The following SEMA4D variants were observed in gnomAD, a reference collection of about 807,000 sequenced individuals.
SEMA4D encodes semaphorin-4D.
SEMA4D carries 22 observed loss-of-function variants against 74.8 expected under a neutral mutation model. That is an observed-to-expected ratio of 0.29 (90% CI 0.21 to 0.42). SEMA4D has a LOEUF of 0.42. Ranked by LOEUF, SEMA4D falls within the 10% of genes least tolerant of loss-of-function variation. The pLI is 1.00. For synonymous variants in SEMA4D, 445 were observed against 463.7 expected, an observed-to-expected ratio of 0.96 and a Z score of 0.52; for missense variants, 937 against 1,118.4, an observed-to-expected ratio of 0.84 and a Z score of 2.31.
chr9:89,471,382 G>A (rs1860171245), intron 1 of SEMA4D, among the ~76,000 whole-genome samples: 1 of 152,146 alleles, frequency 6.6e-6, no homozygotes, highest in African/African-American at 2.4e-5. Flanking sequence ...TACCACAATT[G>A]TAAAAACTCA....
At chr9:89,460,933 A>G (rs2135685322) in intron 1 of SEMA4D, among the ~76,000 whole-genome samples, 1 of 152,238 alleles carries the variant, frequency 6.6e-6, no homozygotes, top group East Asian at 1.9e-4. Context: ...GGAGAAGGCG[A>G]CCTGCTGTTC....
intron 2 of SEMA4D, among the ~76,000 whole-genome samples, chr9:89,437,721 C>T (rs1003251893): frequency 1.3e-5 from 2 of 152,206 alleles, no homozygotes; most frequent in Admixed American, 6.5e-5. Flanking sequence ...AAGGTAGCAA[C>T]GTGACTTGAG....
intron 6 of SEMA4D, 34 bp downstream of exon 6, chr9:89,396,703 G>A (rs1264157831): frequency 3.2e-6 from 5 of 1,560,760 alleles, no homozygotes; most frequent in African/African-American, 2.7e-5. Flanking sequence ...TGACCAGGCT[G>A]GCGTGAGCAC....
At chr9:89,379,889 G>A (rs1004744738) in intron 15 of SEMA4D, among the ~76,000 whole-genome samples, 9 of 152,196 alleles carry the variant, frequency 5.9e-5, no homozygotes, top group African/African-American at 1.9e-4. Context: ...AGAAGAAAAC[G>A]CGTCAGGCTG....
At chr9:89,413,422 G>A (rs73654778) in intron 2 of SEMA4D, among the ~76,000 whole-genome samples, 4,556 of 152,336 alleles carry the variant, frequency 0.03, 251 homozygotes, top group African/African-American at 0.1. Context: ...ATGTCTGCGT[G>A]TATGTATATA....
At chr9:89,384,920 C>A in intron 13 of SEMA4D, 5 of 985,444 alleles carry the variant, frequency 5.1e-6, no homozygotes, top group Non-Finnish European at 6.0e-6. Flanking sequence ...AGGCACAGGA[C>A]CCCACGGCAG....
At chr9:89,412,649 T>C (rs1390583485) in intron 2 of SEMA4D, among the ~76,000 whole-genome samples, 1 of 152,072 alleles carries the variant, frequency 6.6e-6, no homozygotes, top group Admixed American at 6.5e-5. Flanking sequence ...AGGTCTGCAG[T>C]GTATTGATCT....
intron 1 of SEMA4D, among the ~76,000 whole-genome samples, chr9:89,463,525 CT>C (rs1232206437): frequency 2.6e-5 from 4 of 152,170 alleles, no homozygotes; most frequent in African/African-American, 9.7e-5. Context: ...ATGACCAGCC[CT>C]TTTTCGCTGC....
intron 1 of SEMA4D, among the ~76,000 whole-genome samples, chr9:89,468,693 C>T (rs1016422583): frequency 6.6e-6 from 1 of 152,132 alleles, no homozygotes; most frequent in Non-Finnish European, 1.5e-5. Context: ...AAATCTCATC[C>T]CCCCTCTAAG....
chr9:89,372,902 C>T (rs1835304362), downstream of SEMA4D, among the ~76,000 whole-genome samples: 1 of 152,098 alleles, frequency 6.6e-6, no homozygotes, highest in African/African-American at 2.4e-5. Flanking sequence ...TGTGCCAGGG[C>T]CATCAGTGGA....
intron 9 of SEMA4D, 72 bp downstream of exon 9, chr9:89,391,192 G>A (rs1839788377): frequency 6.7e-7 from 1 of 1,488,446 alleles, no homozygotes; most frequent in Admixed American, 1.7e-5. Flanking sequence ...ACGAAGGTCA[G>A]GAGCCACCCA....
intron 1 of SEMA4D, among the ~76,000 whole-genome samples, chr9:89,491,460 C>T (rs1462164749): frequency 2.0e-5 from 3 of 152,200 alleles, no homozygotes; most frequent in Non-Finnish European, 4.4e-5. Flanking sequence ...GTCCCAGCTA[C>T]TCAGGAGGCT....
At chr9:89,446,496 C>A (rs148499592) in intron 2 of SEMA4D, among the ~76,000 whole-genome samples, 51 of 152,320 alleles carry the variant, frequency 3.3e-4, no homozygotes, top group African/African-American at 1.2e-3. Flanking sequence ...ATGACCCCAC[C>A]CAGCCCAACA....
intron 2 of SEMA4D, among the ~76,000 whole-genome samples, chr9:89,406,601 G>A (rs1238650795): frequency 1.3e-5 from 2 of 152,234 alleles, no homozygotes; most frequent in East Asian, 1.9e-4. Flanking sequence ...TTGATCTGGG[G>A]CCAGCTGCAC....
chr9:89,451,354 T>C (rs1162158781), intron 2 of SEMA4D, among the ~76,000 whole-genome samples: 2 of 152,250 alleles, frequency 1.3e-5, no homozygotes, highest in Non-Finnish European at 1.5e-5. Context: ...TTCCCATCTA[T>C]GAAATGGATC....
At chr9:89,374,826 G>A (rs935000757), downstream of SEMA4D, among the ~76,000 whole-genome samples, 1 of 152,192 alleles carries the variant, frequency 6.6e-6, no homozygotes, top group African/African-American at 2.4e-5. Context: ...GCCAAGGCAG[G>A]TGGATCCCCT....
At chr9:89,396,224 G>A (rs1005849374) in intron 6 of SEMA4D, among the ~76,000 whole-genome samples, 1 of 152,172 alleles carries the variant, frequency 6.6e-6, no homozygotes, top group Admixed American at 6.5e-5. Flanking sequence ...CCGACCAGAA[G>A]GGTGGGTCCC....
intron 1 of SEMA4D, among the ~76,000 whole-genome samples, chr9:89,480,165 A>G (rs570731593): frequency 8.9e-4 from 133 of 149,880 alleles, no homozygotes; most frequent in Non-Finnish European, 1.6e-3. Flanking sequence ...TGATTGGTGT[A>G]TTTACAATCC....
rs1838534735 is a variant in SEMA4D, at chr9:89,386,485, G to A, written c.1331-3C>T. ...GGCTTTGTGCAGAGCTCCCCGGTCT[G>A]CAGGGCCAAAGCTACAGGTCAGTGA... On this transcript the variant is annotated splice_polypyrimidine_tract_variant and splice_region_variant and intron_variant, in intron 12 of 15. Coordinates refer to ENST00000422704, the MANE Select transcript of SEMA4D (RefSeq NM_001371194.2). The A allele has an allele frequency of 1.2e-6, 2 of 1,610,166 alleles. No individual in the cohort carries two copies. The highest frequency in any genetic ancestry group is 1.7e-6 in the Non-Finnish European group (2 of 1,176,632).
Sources: allele counts gnomAD v4.1 joint callset (sites outside exome capture counted in the v4.1 genomes callset), GRCh38; gene constraint gnomAD v4.1.1; transcripts MANE v1.5; gene names NCBI Gene and HGNC (gene_info 2026-07-23, HGNC 2026-07-21).